Variants in AGK observed in about 807,000 individuals in gnomAD.
AGK encodes acylglycerol kinase, mitochondrial.
Under a neutral mutation model 66.4 loss-of-function variants are expected in AGK, and 52 were observed. That is an observed-to-expected ratio of 0.78 (90% CI 0.63 to 0.99). The LOEUF (loss-of-function observed/expected upper bound fraction) is 0.99, where lower values mean the gene tolerates loss of function less well. AGK is among the 50% of genes least tolerant of loss of function. The probability of loss-of-function intolerance (pLI) is 0.00; values close to 1 mark genes in which losing one functional copy is unlikely to be tolerated. For missense variants in AGK, 451 were observed against 506.6 expected, an observed-to-expected ratio of 0.89 and a Z score of 1.05; for synonymous variants, 182 against 181.1, an observed-to-expected ratio of 1.00 and a Z score of -0.04.
chr7:141,645,089 TAA>T (rs990133020), intron 13 of AGK, among the ~76,000 whole-genome samples: 15 of 152,108 alleles, frequency 9.9e-5, no homozygotes, highest in African/African-American at 3.6e-4. Context: ...AAATTCCACA[TAA>T]AAATGTTATA....
chr7:141,627,503 A>G (rs1796964661), intron 9 of AGK, among the ~76,000 whole-genome samples: 1 of 152,216 alleles, frequency 6.6e-6, no homozygotes, highest in Non-Finnish European at 1.5e-5. Flanking sequence ...AGTTGCTGTT[A>G]GTTACATAGA....
rs1309856078 is a variant in AGK at position 141,623,058 on chromosome 7, A to T, written c.588+1257A>T. Reference sequence around the variant, plus strand: ...AGGAACAGTTCTTGAAGGAACTTAAATGTGCTACTACAGTGAGCATATGAA... The same window carrying T: ...AGGAACAGTTCTTGAAGGAACTTAATTGTGCTACTACAGTGAGCATATGAA... On this transcript the variant is annotated intron_variant, in intron 9 of 15. Coordinates refer to ENST00000649286, the MANE Select transcript of AGK (RefSeq NM_018238.4). 2.0e-5 allele frequency among the ~76,000 whole-genome samples: 3 copies of T among 152,298 alleles called. No individual in the cohort carries two copies. The East Asian group carries it at 5.8e-4, about 29-fold the overall frequency.
chr7:141,643,901 TTG>T (rs1797345693), intron 13 of AGK, among the ~76,000 whole-genome samples: 2 of 152,144 alleles, frequency 1.3e-5, no homozygotes, highest in Non-Finnish European at 2.9e-5. Flanking sequence ...GGAATATAGA[TTG>T]GAACATCCTG....
At chr7:141,635,662 C>T (rs573569498) in intron 10 of AGK, among the ~76,000 whole-genome samples, 3 of 152,124 alleles carry the variant, frequency 2.0e-5, no homozygotes, top group South Asian at 2.1e-4. Flanking sequence ...AAGCTTTTCT[C>T]TCTTTCTCTG....
chr7:141,594,844 G>A (rs918414858), intron 3 of AGK, among the ~76,000 whole-genome samples: 1 of 151,690 alleles, frequency 6.6e-6, no homozygotes, highest in African/African-American at 2.4e-5. Context: ...GTAGAGACGG[G>A]GTTTCACCAT....
chr7:141,613,351 G>A (rs1214225872), intron 6 of AGK, among the ~76,000 whole-genome samples: 1 of 152,206 alleles, frequency 6.6e-6, no homozygotes, highest in Non-Finnish European at 1.5e-5. Context: ...GGGTGTGGTG[G>A]CTCATGCCTG....
At chr7:141,564,913 GA>G (rs1444334474) in intron 2 of AGK, among the ~76,000 whole-genome samples, 1 of 152,042 alleles carries the variant, frequency 6.6e-6, no homozygotes, top group Admixed American at 6.6e-5. Flanking sequence ...ATTTAGTAGG[GA>G]CGGGGTTTCT....
At chr7:141,562,804 C>T (rs1481473385) in intron 2 of AGK, among the ~76,000 whole-genome samples, 1 of 152,236 alleles carries the variant, frequency 6.6e-6, no homozygotes, top group African/African-American at 2.4e-5. Context: ...GCAAGGCTTT[C>T]AGGCCATGCT....
intron 8 of AGK, among the ~76,000 whole-genome samples, chr7:141,619,624 A>T (rs1378157645): frequency 6.6e-6 from 1 of 152,112 alleles, no homozygotes; most frequent in East Asian, 1.9e-4. Flanking sequence ...AATGCAAATT[A>T]AATCTACCAT....
chr7:141,627,003 A>G lies in AGK; in HGVS notation c.588+5202A>G, dbSNP rs76056949. ...CATGAAGTCTGCAATTTATTGGCAA[A>G]TTTAACATCTCTGGAGAACATATAC... On this transcript the variant is annotated intron_variant, in intron 9 of 15. Coordinates refer to ENST00000649286, the MANE Select transcript of AGK (RefSeq NM_018238.4). Among the ~76,000 whole-genome samples the G allele has an allele frequency of 1.2e-4, 18 of 152,294 alleles. No homozygotes were observed. In the East Asian group the frequency reaches 2.7e-3, roughly 23 times the overall value.
At chr7:141,641,720 A>G (rs752449065) in intron 12 of AGK, 91 bp from the exon 13 acceptor site, 9 of 1,046,486 alleles carry the variant, frequency 8.6e-6, no homozygotes, top group Non-Finnish European at 1.2e-5. Context: ...AAGGTTGAGA[A>G]GCTGAGCTGA....
At chr7:141,553,749 A>T (rs1335298496) in intron 1 of AGK, among the ~76,000 whole-genome samples, 1 of 152,168 alleles carries the variant, frequency 6.6e-6, no homozygotes, top group African/African-American at 2.4e-5. Context: ...GATTCACAGG[A>T]AGATGGTCTC....
intron 2 of AGK, among the ~76,000 whole-genome samples, chr7:141,564,966 A>G (rs1795438972): frequency 6.6e-6 from 1 of 152,052 alleles, no homozygotes; most frequent in Non-Finnish European, 1.5e-5. Context: ...ACCTCAGGTG[A>G]TCCGCCCTCC....
intron 2 of AGK, among the ~76,000 whole-genome samples, chr7:141,586,162 G>A (rs1417272449): frequency 2.6e-5 from 4 of 152,192 alleles, no homozygotes; most frequent in South Asian, 2.1e-4. Flanking sequence ...GGAACTCCCC[G>A]CTTAGCCTCT....
At chr7:141,566,931 A>G (rs552602221) in intron 2 of AGK, among the ~76,000 whole-genome samples, 1 of 152,286 alleles carries the variant, frequency 6.6e-6, no homozygotes, top group South Asian at 2.1e-4. Context: ...TGTACCTCAC[A>G]CTTGCAGTCC....
At chr7:141,608,696 T>C (rs1337504418) in intron 5 of AGK, among the ~76,000 whole-genome samples, 3 of 152,240 alleles carry the variant, frequency 2.0e-5, no homozygotes, top group African/African-American at 7.2e-5. Flanking sequence ...CATCACATTT[T>C]GGACATAGAT....
At chr7:141,633,777 G>T in intron 9 of AGK, 124 bp from the exon 10 acceptor site, 1 of 776,270 alleles carries the variant, frequency 1.3e-6, no homozygotes. Flanking sequence ...TTTAATGTTT[G>T]AGCAGACTTT....
At chr7:141,566,911 TC>T (rs1795483409) in intron 2 of AGK, among the ~76,000 whole-genome samples, 2 of 152,198 alleles carry the variant, frequency 1.3e-5, no homozygotes, top group African/African-American at 4.8e-5. Context: ...ATTGACACCG[TC>T]CTCAGAAGTG....
chr7:141,560,381 G>A (rs1795313696), intron 2 of AGK, among the ~76,000 whole-genome samples: 1 of 151,450 alleles, frequency 6.6e-6, no homozygotes, highest in Admixed American at 6.6e-5. Context: ...GTCTTCTTGA[G>A]TGGAAGCTGC....
Sources: gnomAD v4.1 joint callset for allele counts (sites outside exome capture counted in the v4.1 genomes callset) on GRCh38, gnomAD v4.1.1 for gene constraint, MANE v1.5 for transcripts, NCBI Gene and HGNC (gene_info 2026-07-23, HGNC 2026-07-21) for gene names.